The following SLC25A41 variants were observed in gnomAD, a reference collection of about 807,000 sequenced individuals.
SLC25A41 encodes mitochondrial carrier protein SCaMC-3L.
A neutral mutation model predicts 34.7 loss-of-function variants in SLC25A41; 35 were observed. The ratio of observed to expected loss-of-function variants is 1.01; its 90% CI spans 0.77 to 1.34. The LOEUF (loss-of-function observed/expected upper bound fraction) is 1.34. SLC25A41 is among the 40% of genes most tolerant of loss of function. SLC25A41 has a pLI of 0.00. For missense variants in SLC25A41, 492 were observed against 489.8 expected (o/e 1.00, Z -0.04); for synonymous variants, 190 against 209.9 (o/e 0.91, Z 0.82).
intron 2 of SLC25A41, among the ~76,000 whole-genome samples, 173 bp downstream of exon 2, chr19:6,431,876 C>T (rs540436147): frequency 6.6e-6 from 1 of 152,216 alleles, no homozygotes; most frequent in Admixed American, 6.5e-5. Context: ...AAGCCATGTC[C>T]ACACCAGCTC....
chr19:6,430,020 C>G lies in SLC25A41; in HGVS notation c.505G>C (p.Val169Leu). ...CCCTCATTCCCCACCTGCTCGAATA[C>G]GGAGAACTTGATGGCATACTCAGGA... ...IAPEYAIKFS[V>L]FEQCKNYFCG... is the part of the protein sequence containing the mutation. Residue 169 changes from valine to leucine, a missense_variant, in exon 3 of 7, where the codon GTA becomes CTA. Val to Leu is a conservative substitution (Grantham distance 32, BLOSUM62 1). Transcript: ENST00000321510. 6.2e-7 allele frequency: 1 copy of G among 1,612,216 alleles called. No homozygotes were observed. The highest frequency in any genetic ancestry group is 8.5e-7 in the Non-Finnish European group (1 of 1,179,108).
chr19:6,430,518 C>T, intron 2 of SLC25A41: 1 of 395,108 alleles, frequency 2.5e-6, no homozygotes, highest in Non-Finnish European at 4.8e-6. Flanking sequence ...GACGGAGTCT[C>T]ACTCTGTCGC....
upstream of SLC25A41, among the ~76,000 whole-genome samples, chr19:6,435,503 C>T (rs1350002780): frequency 2.0e-5 from 3 of 150,164 alleles, no homozygotes; most frequent in South Asian, 4.1e-4. Flanking sequence ...GGTGGATCAC[C>T]TGAGGTCAGG....
At chr19:6,429,664 G>A (rs1198789812) in intron 4 of SLC25A41, 60 bp downstream of exon 4, 10 of 1,285,550 alleles carry the variant, frequency 7.8e-6, no homozygotes, top group Non-Finnish European at 1.1e-5. Flanking sequence ...AGTAGCCCCA[G>A]CAACGTGGGT....
At chr19:6,426,668 G>C in intron 6 of SLC25A41, 107 bp from the exon 7 acceptor site, 1 of 1,224,030 alleles carries the variant, frequency 8.2e-7, no homozygotes. Flanking sequence ...GGCCCCAGGG[G>C]TCAGTAGGAA....
intron 4 of SLC25A41, among the ~76,000 whole-genome samples, chr19:6,429,415 GAGGAGAAGGGAGAAAGGAGGAGGGA>G (rs2092271678): frequency 2.9e-5 from 1 of 34,772 alleles, no homozygotes; most frequent in South Asian, 1.7e-3. Context: ...AGGAAGAGGG[GAGGAGAAGGGAGAAAGGAGGAGGGA>G]AGGAGGAGGA....
chr19:6,431,468 C>T (rs1445770410), intron 2 of SLC25A41, among the ~76,000 whole-genome samples: 1 of 150,952 alleles, frequency 6.6e-6, no homozygotes, highest in Non-Finnish European at 1.5e-5. Flanking sequence ...GAGACAGAGT[C>T]TCACTCTGTT....
chr19:6,429,298 AAGG>A (rs1003048838), intron 4 of SLC25A41, among the ~76,000 whole-genome samples: 6 of 112,004 alleles, frequency 5.4e-5, no homozygotes, highest in South Asian at 5.6e-4. Flanking sequence ...AATTTATAGA[AAGG>A]AGGAGGAGAT....
chr19:6,429,481 AG>A (rs1568350229), intron 4 of SLC25A41, among the ~76,000 whole-genome samples: 3 of 14,706 alleles, frequency 2.0e-4, no homozygotes, highest in African/African-American at 4.9e-4. Context: ...AGGAAAGAGG[AG>A]GGGAGGAGGA....
chr19:6,427,319 C>T lies in SLC25A41; in HGVS notation c.792+15G>A. 9 of 1,605,980 alleles carry T rather than the reference C, an allele frequency of 5.6e-6. No individual in the cohort carries two copies. The highest frequency in any genetic ancestry group is 7.7e-6 in the Non-Finnish European group (9 of 1,175,120). On this transcript the variant is annotated intron_variant, in intron 5 of 6. Transcript: ENST00000321510. This position sits in a 1 kb window ranked among gnomAD's most constrained non-coding sequence, Gnocchi z 4.9. ...GCTCCGGCCAGCCCTGCCACCCCCTCTGCAGGACCCATACCTCATAGACAG... is the reference window on the plus strand; with the variant it reads ...GCTCCGGCCAGCCCTGCCACCCCCTTTGCAGGACCCATACCTCATAGACAG...
chr19:6,429,197 A>T (rs1170020827), intron 4 of SLC25A41, among the ~76,000 whole-genome samples: 13 of 78,670 alleles, frequency 1.7e-4, no homozygotes, highest in East Asian at 7.8e-4. Flanking sequence ...TTATATATAT[A>T]ATATATATGT....
intron 2 of SLC25A41, chr19:6,430,420 C>T (rs1197524288): frequency 2.7e-5 from 15 of 554,996 alleles, no homozygotes; most frequent in Non-Finnish European, 4.8e-5. Flanking sequence ...TCTCTTTCTT[C>T]CTTCCATCCT....
At chr19:6,429,394 A>AGGAG in intron 4 of SLC25A41, among the ~76,000 whole-genome samples, 3 of 448 alleles carry the variant, frequency 6.7e-3, no homozygotes, top group Non-Finnish European at 0.014. Context: ...AGAGGGGAGG[A>AGGAG]GAAGGGAGAA....
chr19:6,426,151 G>A lies in SLC25A41; in HGVS notation c.*238C>T. Reference sequence around the variant, plus strand: ...GAGTCCACGTTTCTTGTCTCAGGCTGCACCCTGGGGAGGGAGTCCCAGGAG... The same window carrying A: ...GAGTCCACGTTTCTTGTCTCAGGCTACACCCTGGGGAGGGAGTCCCAGGAG... On this transcript the variant is annotated 3_prime_UTR_variant, in exon 7 of 7. Coordinates refer to ENST00000321510, the MANE Select transcript of SLC25A41 (RefSeq NM_173637.4). 2.0e-6 allele frequency: 1 copy of A among 505,592 alleles called. No individual in the cohort carries two copies. 31.3% of individuals were successfully genotyped at this position (505,592 alleles called of 1,614,324 possible).
In SLC25A41 at chr19:6,426,542, A is replaced by T; in HGVS notation, c.960T>A (p.Asn320Lys). 1 of 1,612,998 alleles carries T rather than the reference A, an allele frequency of 6.2e-7. No individual in the cohort carries two copies. ...GCTGGAGGACTCCGCGCATGGTGGG[A>T]TTTGAGCCCTCCACGGTATCTGCAG... Reference protein sequence around the residue: ...MQAQDTVEGSNPTMRGVLQRI... With the variant: ...MQAQDTVEGSKPTMRGVLQRI... Residue 320 changes from asparagine (N) to lysine (K), a missense_variant, in exon 7 of 7, where the codon AAT becomes AAA. Coordinates refer to ENST00000321510, the MANE Select transcript of SLC25A41 (RefSeq NM_173637.4).
intron 2 of SLC25A41, chr19:6,430,644 C>T (rs912967373): frequency 7.2e-5 from 19 of 262,260 alleles, no homozygotes; most frequent in South Asian, 1.5e-4. Context: ...AGTGTCACCA[C>T]GCCTGGCTTA....
At chr19:6,435,068 A>G (rs10420789), upstream of SLC25A41, among the ~76,000 whole-genome samples, 2,545 of 151,636 alleles carry the variant, frequency 0.017, 68 homozygotes, top group African/African-American at 0.058. Context: ...TATAAAAAAT[A>G]CAAAAATTAG....
chr19:6,430,855 C>T (rs1244933385), intron 2 of SLC25A41, among the ~76,000 whole-genome samples: 1 of 151,940 alleles, frequency 6.6e-6, no homozygotes, highest in Admixed American at 6.6e-5. Flanking sequence ...GTTCTGTTGC[C>T]CAGGCCGGAA....
chr19:6,434,239 G>A (rs547324298), upstream of SLC25A41, among the ~76,000 whole-genome samples: 23 of 152,116 alleles, frequency 1.5e-4, no homozygotes, highest in Non-Finnish European at 2.2e-4. Context: ...CACTGCTTCC[G>A]GCCGCAAAAT....
Sources: gnomAD v4.1 joint callset for allele counts (sites outside exome capture counted in the v4.1 genomes callset) on GRCh38, gnomAD v4.1.1 for gene constraint, Gnocchi (gnomAD v3.1) non-coding constraint, MANE v1.5 for transcripts, NCBI Gene and HGNC (gene_info 2026-07-23, HGNC 2026-07-21) for gene names.